Variants in CSMD1 observed in about 807,000 individuals in gnomAD.
CSMD1 encodes the protein CUB and Sushi multiple domains 1, also known as CUB and sushi domain-containing protein 1.
In CSMD1, 213 loss-of-function variants were observed where a neutral mutation model predicts 417.5. That is an observed-to-expected ratio of 0.51 (90% confidence interval 0.46 to 0.57). The LOEUF (loss-of-function observed/expected upper bound fraction) is 0.57. CSMD1 is among the 20% of genes least tolerant of loss of function. The probability of loss-of-function intolerance (pLI) is 0.00; values close to 1 mark genes in which losing one functional copy is unlikely to be tolerated. For synonymous variants in CSMD1, 2,862 were observed against 1,736.8 expected (o/e 1.65, Z -16.11); for missense variants, 6,923 against 4,529.7 (o/e 1.53, Z -15.17).
intron 1 of CSMD1, among the ~76,000 whole-genome samples, chr8:4,902,416 A>G (rs1804943964): frequency 6.8e-6 from 1 of 147,162 alleles, no homozygotes; most frequent in South Asian, 2.3e-4. Flanking sequence ...CAGAACAAGA[A>G]CCCATCTCTA....
chr8:3,328,788 A>C (rs1806702302), intron 23 of CSMD1, among the ~76,000 whole-genome samples: 1 of 152,260 alleles, frequency 6.6e-6, no homozygotes, highest in Admixed American at 6.5e-5. Context: ...AAAAAATGTG[A>C]AATAAATTTT....
intron 12 of CSMD1, among the ~76,000 whole-genome samples, chr8:3,433,898 A>T (rs544608601): frequency 5.9e-5 from 9 of 152,274 alleles, no homozygotes; most frequent in African/African-American, 1.7e-4. Context: ...GTCAGCTAGA[A>T]AGTTCCCTGG....
intron 26 of CSMD1, among the ~76,000 whole-genome samples, chr8:3,263,125 G>T (rs931414023): frequency 6.6e-6 from 1 of 151,990 alleles, no homozygotes; most frequent in African/African-American, 2.4e-5. Context: ...TTTTCAGAGA[G>T]TTTCACTTTG....
intron 3 of CSMD1, among the ~76,000 whole-genome samples, chr8:4,281,883 C>G (rs1303049270): frequency 1.3e-5 from 2 of 152,108 alleles, no homozygotes; most frequent in Admixed American, 6.6e-5. Flanking sequence ...TTGCAAATGA[C>G]AAGGCAAAGG....
chr8:4,601,743 T>C (rs73659139), intron 2 of CSMD1, among the ~76,000 whole-genome samples: 1,667 of 152,286 alleles, frequency 0.011, 35 homozygotes, highest in African/African-American at 0.039. Context: ...TCCCTGTAGC[T>C]GGAGAAAAAT....
intron 3 of CSMD1, among the ~76,000 whole-genome samples, chr8:4,076,506 G>A (rs572421789): frequency 6.6e-6 from 1 of 152,160 alleles, no homozygotes; most frequent in Non-Finnish European, 1.5e-5. Flanking sequence ...AGAAATGTAA[G>A]TATATATGAA....
At chr8:3,831,064 T>C (rs1283913399) in intron 5 of CSMD1, among the ~76,000 whole-genome samples, 1 of 152,132 alleles carries the variant, frequency 6.6e-6, no homozygotes, top group Non-Finnish European at 1.5e-5. Flanking sequence ...GTTGGAAATG[T>C]CCAGAAGAAA....
At chr8:4,175,842 G>A (rs780815698) in intron 3 of CSMD1, among the ~76,000 whole-genome samples, 1 of 152,128 alleles carries the variant, frequency 6.6e-6, no homozygotes, top group Admixed American at 6.6e-5. Context: ...AAAGTAACTG[G>A]AAAGAAATAA....
chr8:4,396,034 G>C (rs1004821741), intron 3 of CSMD1, among the ~76,000 whole-genome samples: 1 of 152,108 alleles, frequency 6.6e-6, no homozygotes, highest in African/African-American at 2.4e-5. Flanking sequence ...TTCTATAGAA[G>C]GAGTAGCTAG....
chr8:3,732,884 C>T (rs1584917665), intron 6 of CSMD1, among the ~76,000 whole-genome samples: 2 of 151,996 alleles, frequency 1.3e-5, no homozygotes, highest in Non-Finnish European at 2.9e-5. Flanking sequence ...TCTATCTATC[C>T]ATCCATCTAT....
chr8:4,153,425 C>G (rs73658586), intron 3 of CSMD1, among the ~76,000 whole-genome samples: 2 of 152,306 alleles, frequency 1.3e-5, no homozygotes, highest in African/African-American at 4.8e-5. Context: ...ATGCTGTTGC[C>G]TGTGCCCCGC....
chr8:3,930,449 T>G (rs1034409006), intron 5 of CSMD1, among the ~76,000 whole-genome samples: 1 of 150,608 alleles, frequency 6.6e-6, no homozygotes, highest in Non-Finnish European at 1.5e-5. Flanking sequence ...TTCTTCCTTA[T>G]TTGAAGGTCT....
chr8:3,747,441 A>T (rs565639642), intron 6 of CSMD1, among the ~76,000 whole-genome samples: 1 of 152,120 alleles, frequency 6.6e-6, no homozygotes, highest in Non-Finnish European at 1.5e-5. Flanking sequence ...ATGGTCATCC[A>T]TGCGAACACA....
chr8:4,846,584 C>T (rs145538030), intron 1 of CSMD1, among the ~76,000 whole-genome samples: 46 of 152,282 alleles, frequency 3.0e-4, no homozygotes, highest in African/African-American at 1.1e-3. Context: ...TTTTCTACCC[C>T]CTGTAGGAGG....
At chr8:3,190,837 C>T (rs180850218) in intron 33 of CSMD1, among the ~76,000 whole-genome samples, 1 of 152,134 alleles carries the variant, frequency 6.6e-6, no homozygotes, top group Non-Finnish European at 1.5e-5. Context: ...GGACATCGTG[C>T]TAAGTGAAAT....
intron 25 of CSMD1, among the ~76,000 whole-genome samples, chr8:3,288,028 G>C (rs1283512347): frequency 6.8e-6 from 1 of 147,194 alleles, no homozygotes; most frequent in Non-Finnish European, 1.5e-5. Flanking sequence ...GTTGAATTTT[G>C]TCAAAGGCCT....
chr8:3,853,417 A>C (rs1804053074), intron 5 of CSMD1, among the ~76,000 whole-genome samples: 1 of 152,202 alleles, frequency 6.6e-6, no homozygotes. Context: ...TTTACTTTAA[A>C]AATGTATTTT....
At chr8:4,672,028 T>C (rs1422978458) in intron 1 of CSMD1, among the ~76,000 whole-genome samples, 1 of 152,146 alleles carries the variant, frequency 6.6e-6, no homozygotes, top group Admixed American at 6.6e-5. Flanking sequence ...AGCATGACAG[T>C]GATGACACCA....
chr8:3,873,965 G>C (rs1465665506), intron 5 of CSMD1, among the ~76,000 whole-genome samples: 2 of 152,150 alleles, frequency 1.3e-5, no homozygotes, highest in Non-Finnish European at 2.9e-5. Context: ...AGTCTTGAGG[G>C]CTGTGTTGGT....
Sources: gnomAD v4.1 joint callset for allele counts (sites outside exome capture counted in the v4.1 genomes callset) on GRCh38, gnomAD v4.1.1 for gene constraint, MANE v1.5 for transcripts, NCBI Gene and HGNC (gene_info 2026-07-23, HGNC 2026-07-21) for gene names.